Variants in TSHZ2 observed in about 807,000 individuals in gnomAD.
TSHZ2 encodes the protein teashirt homolog 2.
In TSHZ2, 21 loss-of-function variants were observed where a neutral mutation model predicts 74.4. That is an observed-to-expected ratio of 0.28 (90% CI 0.20 to 0.41). The LOEUF is 0.41. TSHZ2 is among the 10% of genes least tolerant of loss of function. The pLI, the probability that TSHZ2 is intolerant of heterozygous loss-of-function variation, is 1.00. For missense variants in TSHZ2, 1,244 were observed against 1,293.5 expected (o/e 0.96, Z 0.59); for synonymous variants, 540 against 515.3 (o/e 1.05, Z -0.65).
chr20:53,225,279 C>T (rs1445206482), intron 1 of TSHZ2, among the ~76,000 whole-genome samples: 1 of 152,236 alleles, frequency 6.6e-6, no homozygotes, highest in East Asian at 1.9e-4. Flanking sequence ...TACTTACAGA[C>T]CATTCCATTA....
intron 1 of TSHZ2, among the ~76,000 whole-genome samples, chr20:53,246,043 T>G (rs992239156): frequency 6.7e-6 from 1 of 149,404 alleles, no homozygotes; most frequent in Non-Finnish European, 1.5e-5. Flanking sequence ...TTTCTTTCTT[T>G]TTTTTTTTTT....
chr20:53,311,018 A>T lies in TSHZ2; in HGVS notation c.*8+54447A>T, dbSNP rs377333386. ...TGAAAATGAGTATACCATTACAGAG[A>T]TATTTGGTGGGGTAGACCATTGTGC... On this transcript the variant is annotated intron_variant, in intron 2 of 2. Coordinates refer to ENST00000371497, the MANE Select transcript of TSHZ2 (RefSeq NM_173485.6). Among the ~76,000 whole-genome samples the T allele has an allele frequency of 3.9e-5, 6 of 152,306 alleles. No homozygotes were observed. In the East Asian group the frequency reaches 7.7e-4, roughly 20 times the overall value.
At chr20:53,061,551 T>C (rs1984823782) in intron 1 of TSHZ2, among the ~76,000 whole-genome samples, 1 of 152,216 alleles carries the variant, frequency 6.6e-6, no homozygotes, top group South Asian at 2.1e-4. Flanking sequence ...CTGGGAGATT[T>C]CCTGTGTAGA....
intron 1 of TSHZ2, among the ~76,000 whole-genome samples, chr20:53,139,513 G>A (rs1987335248): frequency 6.6e-6 from 1 of 152,184 alleles, no homozygotes; most frequent in South Asian, 2.1e-4. Flanking sequence ...CCAGCCTGGA[G>A]TACTTTCCTT....
intron 2 of TSHZ2, among the ~76,000 whole-genome samples, chr20:53,465,251 G>T (rs1227364627): frequency 1.3e-5 from 2 of 150,906 alleles, no homozygotes; most frequent in Non-Finnish European, 3.0e-5. Context: ...AATTGGTAAA[G>T]GGAAATAGTT....
chr20:53,453,311 C>A lies in TSHZ2; in HGVS notation c.*9-33833C>A, dbSNP rs368967254. The stretch of plus-strand genomic sequence containing the variant: ...CAATGAACAATTTAATCTTTAGAAA[C>A]TGGAACAACTTTGCCAGCAAACTCC... On this transcript the variant is annotated intron_variant, in intron 2 of 2. Transcript: ENST00000371497. Among the ~76,000 whole-genome samples the A allele has an allele frequency of 1.3e-3, 203 of 152,338 alleles. 1 individual carries two copies. The highest frequency in any genetic ancestry group is 4.3e-3 in the African/African-American group (180 of 41,578).
intron 2 of TSHZ2, chr20:53,455,358 T>C (rs918981684): frequency 6.6e-6 from 1 of 152,168 alleles, no homozygotes; most frequent in African/African-American, 2.4e-5. Flanking sequence ...TGTTCCTTGG[T>C]GTGTCCTCTG....
chr20:53,049,051 T>C (rs1369245703), intron 1 of TSHZ2, among the ~76,000 whole-genome samples: 1 of 152,210 alleles, frequency 6.6e-6, no homozygotes, highest in Non-Finnish European at 1.5e-5. Flanking sequence ...ATCTATTTCA[T>C]GAGGTTGTTG....
intron 2 of TSHZ2, among the ~76,000 whole-genome samples, chr20:53,350,079 C>T (rs540625222): frequency 6.6e-6 from 1 of 152,346 alleles, no homozygotes; most frequent in African/African-American, 2.4e-5. Context: ...TATAAGGACC[C>T]CTGTGATTAC....
chr20:53,189,088 T>C (rs1023596666), intron 1 of TSHZ2, among the ~76,000 whole-genome samples: 2 of 152,198 alleles, frequency 1.3e-5, no homozygotes, highest in Non-Finnish European at 2.9e-5. Context: ...TTATTGTACA[T>C]GTTTGAAATT....
chr20:53,284,580 T>C (rs564603403), intron 2 of TSHZ2, among the ~76,000 whole-genome samples: 1 of 152,292 alleles, frequency 6.6e-6, no homozygotes, highest in South Asian at 2.1e-4. Flanking sequence ...CACAAAACAT[T>C]TTTTATCTGT....
intron 2 of TSHZ2, among the ~76,000 whole-genome samples, chr20:53,403,768 A>T (rs1025427185): frequency 3.8e-4 from 58 of 152,350 alleles, no homozygotes; most frequent in African/African-American, 1.3e-3. Context: ...CCCCGTATTC[A>T]GGTGCGAGTC....
At chr20:53,378,294 T>A (rs1210810122) in intron 2 of TSHZ2, among the ~76,000 whole-genome samples, 1 of 150,410 alleles carries the variant, frequency 6.6e-6, no homozygotes, top group African/African-American at 2.4e-5. Flanking sequence ...GAGCCAAGAT[T>A]GCGCCACTAC....
At chr20:53,017,441 T>C (rs1320469604) in intron 1 of TSHZ2, among the ~76,000 whole-genome samples, 1 of 152,186 alleles carries the variant, frequency 6.6e-6, no homozygotes, top group African/African-American at 2.4e-5. Flanking sequence ...GGCCAACATT[T>C]TTTTTCTTTA....
At chr20:53,239,271 GT>G (rs1184319958) in intron 1 of TSHZ2, among the ~76,000 whole-genome samples, 3 of 152,164 alleles carry the variant, frequency 2.0e-5, no homozygotes, top group Non-Finnish European at 2.9e-5. Context: ...ATTACCAAGT[GT>G]GTCTCTAATT....
chr20:53,255,085 A>G lies in TSHZ2; in HGVS notation c.1627A>G (p.Ser543Gly), dbSNP rs773541736. 7.4e-6 allele frequency: 12 copies of G among 1,614,052 alleles called. No homozygotes were observed. Among genetic ancestry groups the G allele is most frequent in the Non-Finnish European group, 1.0e-5 (12 of 1,180,034 alleles). Residue 543 changes from serine (S) to glycine (G), a missense_variant, in exon 2 of 3, where the codon AGC becomes GGC. By Grantham distance (56) the Ser-to-Gly change is moderately conservative. This residue lies in a region of TSHZ2 where 562 missense variants were observed against 544.0 expected (regional missense o/e 1.03). Coordinates refer to ENST00000371497, the MANE Select transcript of TSHZ2 (RefSeq NM_173485.6). This position sits in a 1 kb window ranked among gnomAD's most constrained non-coding sequence, Gnocchi z 4.1. ...NGAPSWSAYP[S>G]IHAAYQLSEG... Reference sequence around the variant, plus strand: ...GGCCCCCAGCTGGAGTGCCTACCCCAGCATCCACGCAGCCTACCAGCTGTC... The same window carrying G: ...GGCCCCCAGCTGGAGTGCCTACCCCGGCATCCACGCAGCCTACCAGCTGTC...
In TSHZ2 at chr20:53,030,052, C is replaced by T. The variant is rs539016823; in HGVS notation, c.40+56719C>T. Among the ~76,000 whole-genome samples, 8 of 152,172 alleles carry T rather than the reference C, an allele frequency of 5.3e-5. No individual in the cohort carries two copies. The East Asian group carries it at 5.8e-4, about 11-fold the overall frequency. ...TACTATATGCCAGTTCCTTATATTT[C>T]GTCATTTAAGCCTCACAACCCCTCA... On this transcript the variant is annotated intron_variant, in intron 1 of 2. Transcript: ENST00000371497.
At chr20:53,265,994 C>T (rs961318792) in intron 2 of TSHZ2, among the ~76,000 whole-genome samples, 5 of 152,192 alleles carry the variant, frequency 3.3e-5, no homozygotes, top group Admixed American at 2.6e-4. Flanking sequence ...GCTCCCTGCC[C>T]TTGGGAAGCT....
intron 1 of TSHZ2, among the ~76,000 whole-genome samples, chr20:52,999,882 C>A (rs1982348162): frequency 6.6e-6 from 1 of 152,182 alleles, no homozygotes; most frequent in African/African-American, 2.4e-5. Context: ...TCACTGAGTG[C>A]CTACTGTGTG....
Sources: gnomAD v4.1 joint callset for allele counts (sites outside exome capture counted in the v4.1 genomes callset) on GRCh38, gnomAD v4.1.1 for gene constraint, gnomAD v4.1.1 regional missense constraint, Gnocchi (gnomAD v3.1) non-coding constraint, MANE v1.5 for transcripts, NCBI Gene and HGNC (gene_info 2026-07-23, HGNC 2026-07-21) for gene names.